Variants in TEX11 observed in about 807,000 individuals in gnomAD.
TEX11 encodes testis expressed 11.
TEX11 carries 7 observed loss-of-function variants against 84.4 expected under a neutral mutation model. The ratio of observed to expected loss-of-function variants is 0.08; its 90% CI spans 0.05 to 0.16. The LOEUF is 0.16. TEX11 is among the 10% of genes least tolerant of loss of function. The probability of loss-of-function intolerance (pLI) is 1.00; values close to 1 mark genes in which losing one functional copy is unlikely to be tolerated. For synonymous variants in TEX11, 264 were observed against 222.8 expected, an observed-to-expected ratio of 1.18 and a Z score of -1.64; for missense variants, 551 against 660.5, an observed-to-expected ratio of 0.83 and a Z score of 1.82.
chrX:70,612,310 C>G (rs932096080), intron 20 of TEX11, among the ~76,000 whole-genome samples: 1 of 111,151 alleles, frequency 9.0e-6, no homozygotes, highest in Non-Finnish European at 1.9e-5. Flanking sequence ...TTTGAAGACA[C>G]AGAGCAAGCA....
chrX:70,630,398 T>A (rs1029178618), intron 17 of TEX11, among the ~76,000 whole-genome samples: 2 of 110,055 alleles, frequency 1.8e-5, no homozygotes, highest in Admixed American at 9.7e-5. Flanking sequence ...GGTACATCCA[T>A]AATTTGAAAT....
At chrX:70,809,024 T>C (rs772203997) in intron 8 of TEX11, among the ~76,000 whole-genome samples, 1 of 111,888 alleles carries the variant, frequency 8.9e-6, no homozygotes, top group African/African-American at 3.2e-5. Context: ...GAAACAGGGT[T>C]ACAATCTATG....
intron 2 of TEX11, among the ~76,000 whole-genome samples, chrX:70,898,114 G>A (rs1364613616): frequency 9.0e-6 from 1 of 111,611 alleles, no homozygotes; most frequent in Non-Finnish European, 1.9e-5. Context: ...GAGTGAAGCA[G>A]TCTATGCCAT....
chrX:70,603,579 C>T lies in TEX11; in HGVS notation c.2067+1822G>A, dbSNP rs757966066. On this transcript the variant is annotated intron_variant, in intron 24 of 29. Coordinates refer to ENST00000374333, the MANE Select transcript of TEX11 (RefSeq NM_031276.3). ...AAGATGGATTAAAGACTTAAACATTCGACCTAAAACCATAAAAACCCTAAA... is the reference window on the plus strand; with the variant it reads ...AAGATGGATTAAAGACTTAAACATTTGACCTAAAACCATAAAAACCCTAAA... Among the ~76,000 whole-genome samples, 12 of 110,471 alleles carry T rather than the reference C, an allele frequency of 1.1e-4. No individual in the cohort carries two copies. The South Asian group carries it at 1.5e-3, about 14-fold the overall frequency.
chrX:70,728,197 C>T (rs765502149), intron 11 of TEX11, among the ~76,000 whole-genome samples: 1 of 112,698 alleles, frequency 8.9e-6, no homozygotes, highest in Non-Finnish European at 1.9e-5. Flanking sequence ...GCCAAGATGG[C>T]TGAATAGGAA....
At position 70,554,680 on chromosome X, in the gene TEX11, A is replaced by C; in HGVS notation, c.2261T>G (p.Leu754Ter). 1 of 1,202,303 alleles carries C rather than the reference A, an allele frequency of 8.3e-7. No homozygotes were observed. The highest frequency in any genetic ancestry group is 1.1e-6 in the Non-Finnish European group (1 of 891,915). The change falls in exon 26 of 30, where the codon TTA (leucine) becomes TGA (stop). Residue 754 changes from leucine (L) to a stop codon, truncating the protein, a stop_gained. Transcript: ENST00000374333. LOFTEE classifies it high-confidence loss of function. ...FLESVWELPH[L>*]ETKTFETIAI... ...AATTGTTTCAAAAGTTTTAGTTTCT[A>C]AATGAGGCAACTCCCACACTGATTC...
intron 4 of TEX11, among the ~76,000 whole-genome samples, chrX:70,869,290 G>A (rs1057494076): frequency 2.9e-5 from 3 of 104,938 alleles, no homozygotes; most frequent in Non-Finnish European, 3.9e-5. Flanking sequence ...ACCTTCAAAC[G>A]TACCCATCTC....
At chrX:70,615,024 A>C (rs967539437) in intron 20 of TEX11, among the ~76,000 whole-genome samples, 4 of 111,300 alleles carry the variant, frequency 3.6e-5, no homozygotes, top group African/African-American at 9.8e-5. Context: ...TACAGCTTAG[A>C]TCACAGCACC....
intron 9 of TEX11, among the ~76,000 whole-genome samples, chrX:70,783,508 A>G (rs1207619137): frequency 8.9e-6 from 1 of 111,845 alleles, no homozygotes; most frequent in Admixed American, 9.5e-5. Context: ...AGACACAAAA[A>G]TCCCTTCAAA....
In TEX11 at chrX:70,582,762, A is replaced by T. The variant is rs6624484; in HGVS notation, c.2140+8989T>A. Among the ~76,000 whole-genome samples, 956 of 96,003 alleles carry T rather than the reference A, an allele frequency of 1.0e-2. 18 individuals are homozygous for T. Among genetic ancestry groups the T allele is most frequent in the African/African-American group, 0.02 (537 of 26,448 alleles). The allele number at this position is 96,003 out of a possible 115,157, so 83.4% of individuals were successfully genotyped here. A position where few individuals can be genotyped will look rare whatever the true frequency, so the allele number is the denominator to read the frequency against. On this transcript the variant is annotated intron_variant, in intron 25 of 29. Transcript: ENST00000374333. ...TATTTATTTATTTATTTATTTATTT[A>T]TGTGATGGAATCTCACTCTGTCTCC...
At chrX:70,803,163 T>G (rs1283475085) in intron 9 of TEX11, among the ~76,000 whole-genome samples, 7 of 112,160 alleles carry the variant, frequency 6.2e-5, no homozygotes, top group Admixed American at 5.7e-4. Context: ...AAAAAACTCT[T>G]AAATATATTA....
chrX:70,672,927 C>T (rs1192939318), intron 15 of TEX11: 5 of 117,544 alleles, frequency 4.3e-5, no homozygotes, highest in African/African-American at 1.6e-4. Flanking sequence ...GCAGCACCCA[C>T]AGGTCTAAAT....
Position 70,552,245 on chromosome X carries a change from TGCTG to T in TEX11, c.2400-3_2400del. On this transcript the variant is annotated splice_acceptor_variant and splice_polypyrimidine_tract_variant and coding_sequence_variant and intron_variant, in exon 28 of 30. Coordinates refer to ENST00000374333, the MANE Select transcript of TEX11 (RefSeq NM_031276.3). LOFTEE classifies it high-confidence loss of function. ...AGGTTAACCAAGTTGTGCATACATT[TGCTG>T]AAAATCAAAAAGAGAAAACTCATCC... 1 of 1,206,028 alleles carries T rather than the reference TGCTG, an allele frequency of 8.3e-7. No homozygotes were observed. The highest frequency in any genetic ancestry group is 2.2e-5 in the Admixed American group (1 of 45,046).
intron 7 of TEX11, among the ~76,000 whole-genome samples, chrX:70,836,506 G>C (rs775474098): frequency 9.0e-6 from 1 of 111,566 alleles, no homozygotes; most frequent in South Asian, 3.7e-4. Context: ...AAATAGACAA[G>C]AAAAATGACA....
chrX:70,888,337 A>C (rs768687464), intron 2 of TEX11, among the ~76,000 whole-genome samples: 1 of 112,854 alleles, frequency 8.9e-6, no homozygotes, highest in Non-Finnish European at 1.9e-5. Flanking sequence ...AACACAGAGA[A>C]GGAATTTAGA....
In TEX11 at chrX:70,770,745, G is replaced by A. The variant is rs938616403; in HGVS notation, c.693-26526C>T. Among the ~76,000 whole-genome samples, 4 of 110,861 alleles carry A rather than the reference G, an allele frequency of 3.6e-5. 1 individual carries two copies. The highest frequency in any genetic ancestry group is 2.9e-4 in the Admixed American group (3 of 10,376). On this transcript the variant is annotated intron_variant, in intron 9 of 29. Coordinates refer to ENST00000374333, the MANE Select transcript of TEX11 (RefSeq NM_031276.3). ...TTTAAAATAAAAAAAAAGAAATTAC[G>A]TAATCTAGGTTTACCAAACCTAAGC... is the stretch of plus-strand genomic sequence containing the variant.
intron 16 of TEX11, among the ~76,000 whole-genome samples, chrX:70,662,341 G>T (rs1251914690): frequency 8.9e-6 from 1 of 111,769 alleles, no homozygotes; most frequent in East Asian, 2.8e-4. Flanking sequence ...AATGAAAAAA[G>T]CCTCCAAGAA....
intron 2 of TEX11, among the ~76,000 whole-genome samples, chrX:70,901,418 T>TG: frequency 8.9e-6 from 1 of 111,919 alleles, no homozygotes; most frequent in South Asian, 3.7e-4. Flanking sequence ...TTTTTGTCAT[T>TG]GTCCCAACAT....
At chrX:70,576,628 A>G (rs1246188297) in intron 25 of TEX11, among the ~76,000 whole-genome samples, 2 of 112,339 alleles carry the variant, frequency 1.8e-5, no homozygotes, top group Non-Finnish European at 3.8e-5. Flanking sequence ...ATATATATAC[A>G]TATACACACA....
Sources: allele counts gnomAD v4.1 joint callset (sites outside exome capture counted in the v4.1 genomes callset), GRCh38; gene constraint gnomAD v4.1.1; transcripts MANE v1.5; gene names NCBI Gene and HGNC (gene_info 2026-07-23, HGNC 2026-07-21).